The following LRRIQ3 variants were observed in gnomAD, a reference collection of about 807,000 sequenced individuals.
LRRIQ3 encodes leucine rich repeats and IQ motif containing 3.
In LRRIQ3, 75 loss-of-function variants were observed where a neutral mutation model predicts 59.3. That is an observed-to-expected ratio of 1.26 (90% CI 1.05 to 1.53). The LOEUF (loss-of-function observed/expected upper bound fraction) is 1.53, where lower values mean the gene tolerates loss of function less well. LRRIQ3 is among the 40% of genes most tolerant of loss of function. The probability of loss-of-function intolerance (pLI) is 0.00; values close to 1 mark genes in which losing one functional copy is unlikely to be tolerated. For synonymous variants in LRRIQ3, 250 were observed against 231.3 expected, an observed-to-expected ratio of 1.08 and a Z score of -0.73; for missense variants, 831 against 710.0, an observed-to-expected ratio of 1.17 and a Z score of -1.94.
At chr1:74,074,476 A>G (rs185916340) in intron 6 of LRRIQ3, among the ~76,000 whole-genome samples, 185 bp downstream of exon 6, 1 of 152,080 alleles carries the variant, frequency 6.6e-6, no homozygotes, top group Non-Finnish European at 1.5e-5. Context: ...CACGGATTAC[A>G]TGTACTTTTT....
chr1:74,166,785 C>A lies in LRRIQ3; in HGVS notation c.574-10919G>T, dbSNP rs932341548. ...TTCTTTTACACCATCCTCTTTTGGG[C>A]TAAGGACATGAATAGACAATTCTCA... On this transcript the variant is annotated intron_variant, in intron 3 of 7. Coordinates refer to ENST00000354431, the MANE Select transcript of LRRIQ3 (RefSeq NM_001105659.2). Among the ~76,000 whole-genome samples, 8 of 151,602 alleles carry A rather than the reference C, an allele frequency of 5.3e-5. No homozygotes were observed. The South Asian group carries it at 1.7e-3, about 31-fold the overall frequency.
chr1:74,185,358 T>C (rs1570278062), intron 1 of LRRIQ3, among the ~76,000 whole-genome samples: 1 of 152,192 alleles, frequency 6.6e-6, no homozygotes, highest in African/African-American at 2.4e-5. Context: ...AATAATGGTA[T>C]CTCATTGCTT....
intron 3 of LRRIQ3, among the ~76,000 whole-genome samples, chr1:74,166,550 C>G (rs1213171237): frequency 6.6e-6 from 1 of 151,656 alleles, no homozygotes; most frequent in African/African-American, 2.4e-5. Flanking sequence ...CTAATATTCA[C>G]TCCTTATCAT....
At chr1:74,099,535 A>T (rs1206112240) in intron 5 of LRRIQ3, among the ~76,000 whole-genome samples, 1 of 152,186 alleles carries the variant, frequency 6.6e-6, no homozygotes, top group Non-Finnish European at 1.5e-5. Context: ...AAGAAGAGGG[A>T]ATCCTCCCTA....
intron 4 of LRRIQ3, among the ~76,000 whole-genome samples, chr1:74,154,519 C>T (rs1227783894): frequency 6.6e-6 from 1 of 152,072 alleles, no homozygotes; most frequent in African/African-American, 2.4e-5. Flanking sequence ...CTGCAAAACT[C>T]TCTATTCATA....
At chr1:74,128,914 G>T (rs934819885) in intron 4 of LRRIQ3, among the ~76,000 whole-genome samples, 2 of 151,992 alleles carry the variant, frequency 1.3e-5, no homozygotes, top group Non-Finnish European at 2.9e-5. Context: ...GAATTATCTG[G>T]ATTGCAAAGC....
intron 6 of LRRIQ3, among the ~76,000 whole-genome samples, chr1:74,052,322 T>C (rs1654395258): frequency 6.6e-6 from 1 of 152,106 alleles, no homozygotes; most frequent in Admixed American, 6.6e-5. Flanking sequence ...CACAATCACT[T>C]GCATATCTGA....
intron 3 of LRRIQ3, among the ~76,000 whole-genome samples, chr1:74,179,667 T>C (rs1319678768): frequency 6.6e-6 from 1 of 151,982 alleles, no homozygotes; most frequent in Non-Finnish European, 1.5e-5. Flanking sequence ...AACATTTCAA[T>C]GATCAAAGAA....
intron 4 of LRRIQ3, among the ~76,000 whole-genome samples, chr1:74,129,537 C>T (rs376293638): frequency 1.3e-5 from 2 of 152,030 alleles, no homozygotes; most frequent in African/African-American, 4.8e-5. Flanking sequence ...AGAGCCAAGA[C>T]CAAAGCCTGG....
At chr1:74,029,007 A>G (rs1653608704) in intron 7 of LRRIQ3, among the ~76,000 whole-genome samples, 1 of 152,032 alleles carries the variant, frequency 6.6e-6, no homozygotes, top group Non-Finnish European at 1.5e-5. Context: ...TAAGCTGTGA[A>G]GAAAATGTAA....
intron 1 of LRRIQ3, among the ~76,000 whole-genome samples, chr1:74,195,114 G>A (rs1243905555): frequency 6.6e-6 from 1 of 152,200 alleles, no homozygotes; most frequent in African/African-American, 2.4e-5. Flanking sequence ...CTCCAACAGG[G>A]CATAGTGAGA....
intron 5 of LRRIQ3, among the ~76,000 whole-genome samples, chr1:74,093,960 TAAA>T (rs1039257967): frequency 2.0e-5 from 3 of 152,076 alleles, no homozygotes; most frequent in African/African-American, 7.2e-5. Context: ...CTGACTGGCT[TAAA>T]ACATAGTCTT....
chr1:74,195,020 A>T (rs538208638), intron 1 of LRRIQ3, among the ~76,000 whole-genome samples: 2 of 152,278 alleles, frequency 1.3e-5, no homozygotes, highest in South Asian at 4.1e-4. Context: ...ATCTACAAAA[A>T]TACTAAGGGA....
At position 74,183,955 on chromosome 1, in the gene LRRIQ3, A is replaced by G. The variant is rs566187323; in HGVS notation, c.1-271T>C. On this transcript the variant is annotated intron_variant, in intron 1 of 7. Coordinates refer to ENST00000354431, the MANE Select transcript of LRRIQ3 (RefSeq NM_001105659.2). ...AACTTCCATTTTCATAGAATATTTG[A>G]AAAATTCAGTGAAGAAACTGAGATA... 3.3e-5 allele frequency among the ~76,000 whole-genome samples: 5 copies of G among 152,142 alleles called. No individual in the cohort carries two copies. The South Asian group carries it at 1.0e-3, about 31-fold the overall frequency.
intron 5 of LRRIQ3, among the ~76,000 whole-genome samples, chr1:74,085,596 G>C (rs148240033): frequency 6.6e-6 from 1 of 151,802 alleles, no homozygotes; most frequent in East Asian, 1.9e-4. Context: ...AGAGGGAAAA[G>C]ATAAAGAGGT....
At position 74,041,214 on chromosome 1, in the gene LRRIQ3, T is replaced by C; in HGVS notation, c.1717A>G (p.Arg573Gly). Residue 573 changes from arginine to glycine, a missense_variant and splice_region_variant, in exon 7 of 8, where the codon AGA becomes GGA. Physicochemically the swap from Arg to Gly is moderately radical, Grantham distance 125. Transcript: ENST00000354431. Reference sequence around the variant, plus strand: ...CTGTTATATCTAAATTGTACCTACCTAACTTTTTTCATTTCTTTAAGTAAA... The same window carrying C: ...CTGTTATATCTAAATTGTACCTACCCAACTTTTTTCATTTCTTTAAGTAAA... The part of the protein sequence containing the change: ...KNLLKEMKKV[R>G]SQEIYKRHCE... 3.2e-6 allele frequency: 5 copies of C among 1,566,926 alleles called. No homozygotes were observed. The highest frequency in any genetic ancestry group is 1.2e-5 in the South Asian group (1 of 83,974).
At chr1:74,062,856 A>G (rs1357861903) in intron 6 of LRRIQ3, among the ~76,000 whole-genome samples, 5 of 152,026 alleles carry the variant, frequency 3.3e-5, no homozygotes, top group African/African-American at 1.2e-4. Context: ...GAGGAGGGTG[A>G]GGAGTGAAAA....
chr1:74,050,610 G>A, intron 6 of LRRIQ3: 1 of 982,580 alleles, frequency 1.0e-6, no homozygotes, highest in Non-Finnish European at 1.2e-6. Flanking sequence ...TTTAAAATCA[G>A]CATAGCTGTG....
chr1:74,074,258 A>T (rs2100478866), intron 6 of LRRIQ3, among the ~76,000 whole-genome samples: 1 of 152,272 alleles, frequency 6.6e-6, no homozygotes, highest in South Asian at 2.1e-4. Flanking sequence ...ATGATTTTTT[A>T]ACATTGCTGT....
Sources: gnomAD v4.1 joint callset for allele counts (sites outside exome capture counted in the v4.1 genomes callset) on GRCh38, gnomAD v4.1.1 for gene constraint, MANE v1.5 for transcripts, NCBI Gene and HGNC (gene_info 2026-07-23, HGNC 2026-07-21) for gene names.